Variants in C10orf143 observed in about 807,000 individuals in gnomAD.
C10orf143 encodes chromosome 10 open reading frame 143, also known as uncharacterized protein C10orf143.
At chr10:130,077,127 A>T (rs1289328973) in intron 3 of C10orf143, among the ~76,000 whole-genome samples, 1 of 152,130 alleles carries the variant, frequency 6.6e-6, no homozygotes, top group African/African-American at 2.4e-5. Context: ...TGAAATAGTA[A>T]CCATTGTAAC....
chr10:130,071,414 C>T (rs1204200421), intron 3 of C10orf143, among the ~76,000 whole-genome samples: 3 of 152,136 alleles, frequency 2.0e-5, no homozygotes, highest in Non-Finnish European at 4.4e-5. Context: ...AGGTTGAACA[C>T]CTATTTATAT....
At chr10:130,094,015 T>TAAAA (rs61617138) in intron 1 of C10orf143, among the ~76,000 whole-genome samples, 315 of 137,698 alleles carry the variant, frequency 2.3e-3, no homozygotes, top group African/African-American at 5.5e-3. Context: ...ATCTCACCAT[T>TAAAA]AAAAAAAAAA....
intron 3 of C10orf143, among the ~76,000 whole-genome samples, chr10:130,043,039 T>G (rs1438604622): frequency 3.3e-5 from 5 of 152,234 alleles, no homozygotes; most frequent in African/African-American, 1.2e-4. Flanking sequence ...TGATGCTCAC[T>G]GCAGCTGGGT....
intron 3 of C10orf143, among the ~76,000 whole-genome samples, chr10:130,044,678 G>T (rs974486775): frequency 6.6e-6 from 1 of 152,160 alleles, no homozygotes; most frequent in Non-Finnish European, 1.5e-5. Flanking sequence ...TGGAAGGGGT[G>T]CGTGCAAGTT....
intron 1 of C10orf143, among the ~76,000 whole-genome samples, chr10:130,091,523 C>T (rs756460790): frequency 1.2e-4 from 18 of 152,298 alleles, no homozygotes; most frequent in African/African-American, 3.8e-4. Flanking sequence ...CAAAGGAATA[C>T]AACTCCTCGC....
chr10:130,090,059 G>C (rs973752663), intron 1 of C10orf143, among the ~76,000 whole-genome samples: 10 of 152,126 alleles, frequency 6.6e-5, no homozygotes, highest in African/African-American at 2.4e-4. Flanking sequence ...TTGAAAATTT[G>C]GATTTCATCA....
chr10:130,076,229 T>C (rs1268884818), intron 3 of C10orf143, among the ~76,000 whole-genome samples: 1 of 152,058 alleles, frequency 6.6e-6, no homozygotes, highest in Non-Finnish European at 1.5e-5. Context: ...TCGCAAGAGA[T>C]GGGCCCAGAG....
At position 130,079,559 on chromosome 10, in the gene C10orf143, C is replaced by T; in HGVS notation, c.297+7G>A. Reference sequence around the variant, plus strand: ...TTATGTCACAGCAAGAAGGTTAATGCACTTACAGATTCCCCTGCAATACAT... The same window carrying T: ...TTATGTCACAGCAAGAAGGTTAATGTACTTACAGATTCCCCTGCAATACAT... On this transcript the variant is annotated splice_region_variant and intron_variant, in intron 3 of 3. Coordinates refer to ENST00000637128, the MANE Select transcript of C10orf143 (RefSeq NM_001355042.2). 5.0e-6 allele frequency: 2 copies of T among 399,058 alleles called. No individual in the cohort carries two copies. Among genetic ancestry groups the T allele is most frequent in the Middle Eastern group, 6.3e-4 (1 of 1,588 alleles). 24.7% of individuals were successfully genotyped at this position (399,058 alleles called of 1,614,324 possible). A position where few individuals can be genotyped will look rare whatever the true frequency, so the allele number is the denominator to read the frequency against.
At chr10:130,045,881 G>A (rs529544438) in intron 3 of C10orf143, among the ~76,000 whole-genome samples, 1 of 152,298 alleles carries the variant, frequency 6.6e-6, no homozygotes, top group East Asian at 1.9e-4. Context: ...GGAATCCGTC[G>A]TGTGGAGAAC....
At chr10:130,086,576 T>C (rs773440504) in intron 1 of C10orf143, among the ~76,000 whole-genome samples, 2 of 152,298 alleles carry the variant, frequency 1.3e-5, no homozygotes, top group Non-Finnish European at 1.5e-5. Context: ...ATCCTTACAG[T>C]GCAAAAGGAG....
At chr10:130,093,730 G>A (rs532846474) in intron 1 of C10orf143, among the ~76,000 whole-genome samples, 35 of 152,040 alleles carry the variant, frequency 2.3e-4, no homozygotes, top group African/African-American at 7.7e-4. Flanking sequence ...ATGATAAAGG[G>A]GGCCAGGCGC....
At chr10:130,091,536 G>A (rs1221519150) in intron 1 of C10orf143, among the ~76,000 whole-genome samples, 1 of 152,172 alleles carries the variant, frequency 6.6e-6, no homozygotes, top group Non-Finnish European at 1.5e-5. Flanking sequence ...CTCCTCGCCA[G>A]CAAGAGAACA....
intron 3 of C10orf143, among the ~76,000 whole-genome samples, chr10:130,036,218 T>C (rs1236878555): frequency 6.6e-6 from 1 of 152,166 alleles, no homozygotes; most frequent in African/African-American, 2.4e-5. Context: ...CTCAGGAAGA[T>C]CCACTCACAG....
chr10:130,064,684 CATAAA>C (rs1174127927), intron 3 of C10orf143, among the ~76,000 whole-genome samples: 1 of 152,170 alleles, frequency 6.6e-6, no homozygotes, highest in Non-Finnish European at 1.5e-5. Flanking sequence ...TTCATATATT[CATAAA>C]ATAAATTTTT....
At position 130,063,977 on chromosome 10, in the gene C10orf143, A is replaced by G; in HGVS notation, c.*377T>C. On this transcript the variant is annotated 3_prime_UTR_variant, in exon 4 of 4. Coordinates refer to ENST00000637128, the MANE Select transcript of C10orf143 (RefSeq NM_001355042.2). Reference sequence around the variant, plus strand: ...ATCCACAAAACAACGAAAAAGCATGATGGCGGGGCTGCGTCTGGGTGGGCC... The same window carrying G: ...ATCCACAAAACAACGAAAAAGCATGGTGGCGGGGCTGCGTCTGGGTGGGCC... The G allele has an allele frequency of 5.4e-6, 1 of 185,406 alleles. No individual in the cohort carries two copies. The highest frequency in any genetic ancestry group is 1.1e-5 in the Non-Finnish European group (1 of 90,148). 11.5% of individuals were successfully genotyped at this position (185,406 alleles called of 1,614,324 possible). A position where few individuals can be genotyped will look rare whatever the true frequency, so the allele number is the denominator to read the frequency against.
intron 1 of C10orf143, among the ~76,000 whole-genome samples, chr10:130,100,204 C>T (rs1189558456): frequency 6.6e-6 from 1 of 152,024 alleles, no homozygotes; most frequent in Non-Finnish European, 1.5e-5. Context: ...TCTGGACCAA[C>T]AAGATTTACT....
chr10:130,047,367 C>A (rs1185873780), intron 3 of C10orf143, among the ~76,000 whole-genome samples: 1 of 152,218 alleles, frequency 6.6e-6, no homozygotes, highest in Non-Finnish European at 1.5e-5. Context: ...TGCTCCCTCG[C>A]TCTCTCTCAG....
intron 3 of C10orf143, among the ~76,000 whole-genome samples, chr10:130,038,997 A>G (rs1385499394): frequency 6.6e-6 from 1 of 152,130 alleles, no homozygotes; most frequent in Non-Finnish European, 1.5e-5. Flanking sequence ...TTTGCCCAGG[A>G]TGTTCTGGTA....
At chr10:130,092,744 CA>C (rs1289162585) in intron 1 of C10orf143, among the ~76,000 whole-genome samples, 2 of 151,340 alleles carry the variant, frequency 1.3e-5, no homozygotes, top group Admixed American at 6.6e-5. Context: ...AAACGGAAAG[CA>C]AAAAAAGCAG....
Sources: gnomAD v4.1 joint callset for allele counts (sites outside exome capture counted in the v4.1 genomes callset) on GRCh38, gnomAD v4.1.1 for gene constraint, MANE v1.5 for transcripts, NCBI Gene and HGNC (gene_info 2026-07-23, HGNC 2026-07-21) for gene names.